ANO4: variants seen among roughly 807,000 people sequenced by gnomAD.
ANO4 encodes anoctamin 4.
ANO4 carries 69 observed loss-of-function variants against 141.9 expected under a neutral mutation model. That is an observed-to-expected ratio of 0.49 (90% CI 0.40 to 0.59). The LOEUF (loss-of-function observed/expected upper bound fraction) is 0.59, where lower values mean the gene tolerates loss of function less well. Among genes scored for constraint, ANO4 ranks in the 20% least tolerant of loss-of-function variants. The probability of loss-of-function intolerance (pLI) is 0.00; values close to 1 mark genes in which losing one functional copy is unlikely to be tolerated. For missense variants in ANO4, 894 were observed against 1,162.2 expected (o/e 0.77, Z 3.36); for synonymous variants, 350 against 394.3 (o/e 0.89, Z 1.33).
chr12:100,883,721 T>C (rs2039684117), intron 1 of ANO4, among the ~76,000 whole-genome samples: 1 of 152,210 alleles, frequency 6.6e-6, no homozygotes, highest in Non-Finnish European at 1.5e-5. Flanking sequence ...ACTCAATATA[T>C]TGAAATTTGA....
At position 101,002,596 on chromosome 12, in the gene ANO4, C is replaced by A. The variant is rs562966124; in HGVS notation, c.734+14926C>A. Among the ~76,000 whole-genome samples the A allele has an allele frequency of 6.6e-5, 10 of 152,348 alleles. No homozygotes were observed. The East Asian group carries it at 1.9e-3, about 29-fold the overall frequency. On this transcript the variant is annotated intron_variant, in intron 8 of 27. Transcript: ENST00000392977. Reference sequence around the variant, plus strand: ...CTTCCCAAGGTGTGCTCTCTTTCCTCTCACTCTTTGGTAATATCCTGTTCT... The same window carrying A: ...CTTCCCAAGGTGTGCTCTCTTTCCTATCACTCTTTGGTAATATCCTGTTCT...
chr12:101,104,638 T>C (rs1341673583), intron 22 of ANO4, among the ~76,000 whole-genome samples: 2 of 74,646 alleles, frequency 2.7e-5, no homozygotes, highest in Admixed American at 1.3e-4. Flanking sequence ...TATATATATA[T>C]ATATATATAT....
intron 3 of ANO4, among the ~76,000 whole-genome samples, chr12:100,779,614 G>A (rs1304954785): frequency 6.6e-6 from 1 of 152,152 alleles, no homozygotes; most frequent in Admixed American, 6.5e-5. Context: ...TGGCTCCCCA[G>A]TCACACTGTG....
chr12:100,847,534 C>T (rs1224421403), intron 1 of ANO4, among the ~76,000 whole-genome samples: 1 of 146,164 alleles, frequency 6.8e-6, no homozygotes, highest in East Asian at 2.0e-4. Flanking sequence ...CGCAGTGGTG[C>T]AATCTCGGCT....
At chr12:101,103,207 A>T (rs1268087615) in intron 22 of ANO4, among the ~76,000 whole-genome samples, 1 of 83,830 alleles carries the variant, frequency 1.2e-5, no homozygotes, top group Non-Finnish European at 2.9e-5. Context: ...ATATATATAT[A>T]TATATATATA....
At chr12:100,784,732 C>T (rs1479678073) in intron 3 of ANO4, among the ~76,000 whole-genome samples, 4 of 152,272 alleles carry the variant, frequency 2.6e-5, no homozygotes, top group Non-Finnish European at 4.4e-5. Context: ...GTGGAATTCA[C>T]GATATGTTCC....
intron 22 of ANO4, among the ~76,000 whole-genome samples, chr12:101,109,999 T>A (rs1277816054): frequency 1.2e-4 from 19 of 152,212 alleles, no homozygotes; most frequent in Non-Finnish European, 7.3e-5. Context: ...AGGGGTGCCT[T>A]CAAGTTTGTT....
At chr12:100,719,790 C>A (rs781155281) in intron 1 of ANO4, among the ~76,000 whole-genome samples, 1 of 152,120 alleles carries the variant, frequency 6.6e-6, no homozygotes, top group South Asian at 2.1e-4. Context: ...TTTCTGATCC[C>A]GTTCTTTCTG....
intron 1 of ANO4, among the ~76,000 whole-genome samples, chr12:100,815,156 T>C (rs1593406989): frequency 6.6e-6 from 1 of 152,106 alleles, no homozygotes; most frequent in East Asian, 1.9e-4. Flanking sequence ...AAGAATGTAG[T>C]GCTTAGAGAT....
intron 3 of ANO4, among the ~76,000 whole-genome samples, chr12:100,774,758 A>G (rs1480511687): frequency 6.6e-6 from 1 of 152,242 alleles, no homozygotes; most frequent in Non-Finnish European, 1.5e-5. Flanking sequence ...TACTATGAAC[A>G]CAGAAACTTT....
intron 8 of ANO4, among the ~76,000 whole-genome samples, chr12:101,012,545 G>C (rs2046139677): frequency 1.3e-5 from 2 of 152,162 alleles, no homozygotes; most frequent in South Asian, 4.1e-4. Context: ...TTTGTTCAGG[G>C]TCAGAAAACA....
intron 7 of ANO4, among the ~76,000 whole-genome samples, chr12:100,977,177 T>C (rs2044236227): frequency 1.3e-5 from 2 of 152,220 alleles, no homozygotes. Context: ...TAATAATTAA[T>C]AATTACATGT....
At chr12:100,963,871 G>C (rs2043533917) in intron 5 of ANO4, among the ~76,000 whole-genome samples, 1 of 152,138 alleles carries the variant, frequency 6.6e-6, no homozygotes. Context: ...CAAGCATTCA[G>C]TACCTGTGAG....
intron 3 of ANO4, among the ~76,000 whole-genome samples, chr12:100,744,816 T>A (rs987391579): frequency 1.3e-5 from 2 of 152,184 alleles, no homozygotes; most frequent in African/African-American, 4.8e-5. Flanking sequence ...CTCCTTAGAC[T>A]AGTGCTGCTA....
intron 22 of ANO4, among the ~76,000 whole-genome samples, chr12:101,102,197 G>A (rs537998144): frequency 3.3e-5 from 5 of 152,192 alleles, no homozygotes; most frequent in Admixed American, 1.3e-4. Flanking sequence ...TTTTGTACAT[G>A]TATTTTGATT....
intron 1 of ANO4, among the ~76,000 whole-genome samples, chr12:100,838,550 A>C (rs1001426669): frequency 2.6e-5 from 4 of 152,148 alleles, no homozygotes; most frequent in African/African-American, 9.7e-5. Flanking sequence ...GTGGAGGAGA[A>C]GGTAGCTTGA....
chr12:100,845,882 A>C (rs1554072), intron 1 of ANO4, among the ~76,000 whole-genome samples: 42,207 of 152,134 alleles, frequency 0.28, 6,245 homozygotes, highest in Admixed American at 0.34. Flanking sequence ...CATTGAGTAG[A>C]GGAAATGGAA....
In ANO4 at chr12:100,835,971, A is replaced by G. The variant is rs374380488; in HGVS notation, c.-141+40944A>G. The stretch of plus-strand genomic sequence containing the variant: ...CACAAGCTGAATATCAGGAAAACAC[A>G]TTTCAATTAGTGACAGCAGGACCAG... On this transcript the variant is annotated intron_variant, in intron 1 of 27. Transcript: ENST00000392977. Among the ~76,000 whole-genome samples the G allele has an allele frequency of 7.2e-5, 11 of 152,242 alleles. No homozygotes were observed. The South Asian group carries it at 2.1e-3, about 29-fold the overall frequency.
chr12:101,104,627 G>GTGTGTGTC, intron 22 of ANO4, among the ~76,000 whole-genome samples: 1 of 62,058 alleles, frequency 1.6e-5, no homozygotes, highest in African/African-American at 7.8e-5. Context: ...ATGTATGTGT[G>GTGTGTGTC]TATATATATA....
Sources: gnomAD v4.1 joint callset for allele counts (sites outside exome capture counted in the v4.1 genomes callset) on GRCh38, gnomAD v4.1.1 for gene constraint, MANE v1.5 for transcripts, NCBI Gene and HGNC (gene_info 2026-07-23, HGNC 2026-07-21) for gene names.